Variants in ABCA12 observed in about 807,000 individuals in gnomAD.
ABCA12 encodes the protein ATP binding cassette subfamily A member 12, also known as glucosylceramide transporter ABCA12.
A neutral mutation model predicts 293.5 loss-of-function variants in ABCA12; 156 were observed. The observed-to-expected ratio is 0.53, with a 90% confidence interval of 0.47 to 0.61. The LOEUF is 0.61. Among genes scored for constraint, ABCA12 ranks in the 20% least tolerant of loss-of-function variants. The pLI, the probability that ABCA12 is intolerant of heterozygous loss-of-function variation, is 0.00. For missense variants in ABCA12, 2,797 were observed against 3,090.2 expected (o/e 0.91, Z 2.25); for synonymous variants, 1,063 against 1,108.0 (o/e 0.96, Z 0.81).
Position 215,130,166 on chromosome 2 carries a change from C to A in ABCA12, c.69+7974G>T, listed in dbSNP as rs576716203. ...TTGAAGTCAGGCGATGTGATGTCTC[C>A]AGATTTGTCCTTTTCCTTAGGAGTA... On this transcript the variant is annotated intron_variant, in intron 1 of 52. Coordinates refer to ENST00000272895, the MANE Select transcript of ABCA12 (RefSeq NM_173076.3). Among the ~76,000 whole-genome samples, 286 of 151,806 alleles carry A rather than the reference C, an allele frequency of 1.9e-3. 3 individuals carry two copies. Among genetic ancestry groups the A allele is most frequent in the Middle Eastern group, 0.01 (3 of 290 alleles).
At position 214,932,280 on chromosome 2, in the gene ABCA12, T is replaced by A. The variant is rs1698082729; in HGVS notation, c.*354A>T. The A allele has an allele frequency of 7.5e-6, 2 of 266,104 alleles. No homozygotes were observed. Among genetic ancestry groups the A allele is most frequent in the South Asian group, 8.5e-5 (2 of 23,480 alleles). The allele number at this position is 266,104 out of a possible 1,614,324, so 16.5% of individuals were successfully genotyped here. ...ACCATCTGACTTTTCTTCTCCACTC[T>A]TATATTTCAACTACCAAAATCCATG... On this transcript the variant is annotated 3_prime_UTR_variant, in exon 53 of 53. Coordinates refer to ENST00000272895, the MANE Select transcript of ABCA12 (RefSeq NM_173076.3).
chr2:214,956,948 G>T (rs530255842), intron 41 of ABCA12, among the ~76,000 whole-genome samples, 170 bp from the exon 42 acceptor site: 1 of 152,144 alleles, frequency 6.6e-6, no homozygotes, highest in South Asian at 2.1e-4. Context: ...ATTTTACATT[G>T]ATTTCACTTT....
chr2:214,986,148 G>A (rs547292826), intron 28 of ABCA12, among the ~76,000 whole-genome samples: 12 of 152,168 alleles, frequency 7.9e-5, no homozygotes, highest in Non-Finnish European at 1.3e-4. Context: ...CAGGGTGGGT[G>A]TATGAAGCAG....
chr2:215,054,020 G>C (rs1490496915), intron 4 of ABCA12, among the ~76,000 whole-genome samples: 1 of 151,976 alleles, frequency 6.6e-6, no homozygotes, highest in Non-Finnish European at 1.5e-5. Context: ...AGAGCTACTG[G>C]CCTAGATGTG....
At chr2:215,117,699 C>G (rs1281134390) in intron 1 of ABCA12, among the ~76,000 whole-genome samples, 1 of 152,086 alleles carries the variant, frequency 6.6e-6, no homozygotes, top group African/African-American at 2.4e-5. Context: ...ATTTTCTTAC[C>G]ATTTTCACTA....
intron 6 of ABCA12, among the ~76,000 whole-genome samples, chr2:215,048,040 T>C (rs548609961): frequency 9.4e-5 from 14 of 148,912 alleles, no homozygotes; most frequent in Non-Finnish European, 1.8e-4. Context: ...AAAGAACATA[T>C]ACCTACAGCC....
At chr2:214,933,321 G>T (rs1698118651) in intron 52 of ABCA12, among the ~76,000 whole-genome samples, 2 of 152,132 alleles carry the variant, frequency 1.3e-5, no homozygotes. Context: ...TTGCCATGGT[G>T]CTGGTAGTTG....
rs71399158 is a variant in ABCA12 at position 214,931,578 on chromosome 2, G to GACAA, written c.*1052_*1055dup. The GACAA allele has an allele frequency of 0.33, 50,919 of 152,188 alleles. 9,945 individuals are homozygous for GACAA. Among genetic ancestry groups the GACAA allele is most frequent in the South Asian group, 0.46 (2,209 of 4,804 alleles). The allele number at this position is 152,188 out of a possible 1,614,324, so 9.4% of individuals were successfully genotyped here. A position where few individuals can be genotyped will look rare whatever the true frequency, so the allele number is the denominator to read the frequency against. On this transcript the variant is annotated 3_prime_UTR_variant, in exon 53 of 53. Coordinates refer to ENST00000272895, the MANE Select transcript of ABCA12 (RefSeq NM_173076.3). The stretch of plus-strand genomic sequence containing the variant: ...AAACTTTGAGTTTATTGGTTTTCGA[G>GACAA]ACAAACAGTCATGCCAAAGCTGACA...
chr2:215,022,380 G>A (rs1364177333), intron 11 of ABCA12: 1 of 152,190 alleles, frequency 6.6e-6, no homozygotes, highest in Non-Finnish European at 1.5e-5. Context: ...GGCCAATAAT[G>A]TGGAAGGCAT....
At chr2:215,031,554 A>G (rs1700877688) in intron 9 of ABCA12, among the ~76,000 whole-genome samples, 1 of 152,200 alleles carries the variant, frequency 6.6e-6, no homozygotes, top group South Asian at 2.1e-4. Flanking sequence ...AAGGTAACCA[A>G]TCCAGACATG....
chr2:215,040,057 C>T lies in ABCA12; in HGVS notation c.873-2992G>A, dbSNP rs957371562. ...ATTGTTAACATACTAAAAAGTATTACAATAACTGAACCAAGTATCAGTTTT... is the reference window on the plus strand; with the variant it reads ...ATTGTTAACATACTAAAAAGTATTATAATAACTGAACCAAGTATCAGTTTT... On this transcript the variant is annotated intron_variant, in intron 7 of 52. Coordinates refer to ENST00000272895, the MANE Select transcript of ABCA12 (RefSeq NM_173076.3). Among the ~76,000 whole-genome samples, 2 of 152,034 alleles carry T rather than the reference C, an allele frequency of 1.3e-5. 1 individual carries two copies. The highest frequency in any genetic ancestry group is 2.9e-5 in the Non-Finnish European group (2 of 68,020).
intron 1 of ABCA12, among the ~76,000 whole-genome samples, chr2:215,120,763 C>T (rs993837820): frequency 2.0e-5 from 3 of 152,150 alleles, no homozygotes; most frequent in South Asian, 2.1e-4. Context: ...ACAACTCATA[C>T]TGTCTGATAT....
At chr2:214,938,459 T>C (rs1297963944) in intron 50 of ABCA12, among the ~76,000 whole-genome samples, 1 of 152,342 alleles carries the variant, frequency 6.6e-6, no homozygotes, top group East Asian at 1.9e-4. Flanking sequence ...GAATGATTTA[T>C]AATCCTTTGG....
In ABCA12 at chr2:215,064,227, TAA is replaced by T; in HGVS notation, c.164-10_164-9del. On this transcript the variant is annotated splice_polypyrimidine_tract_variant and intron_variant, in intron 2 of 52. Transcript: ENST00000272895. ...TTCGAGGTGCGAGGTAACCTAAAAT[TAA>T]AAAAACAGTCATTACATCAGTATGG... is the stretch of plus-strand genomic sequence containing the variant. 2 of 1,611,654 alleles carry T rather than the reference TAA, an allele frequency of 1.2e-6. No individual in the cohort carries two copies. Among genetic ancestry groups the T allele is most frequent in the Non-Finnish European group, 1.7e-6 (2 of 1,178,480 alleles).
At chr2:215,117,121 T>C (rs1702703171) in intron 1 of ABCA12, among the ~76,000 whole-genome samples, 1 of 152,232 alleles carries the variant, frequency 6.6e-6, no homozygotes, top group African/African-American at 2.4e-5. Context: ...AAAGAAGTTA[T>C]TTGTGCTGTT....
In ABCA12 at chr2:215,004,194, T is replaced by C. The variant is rs200015323; in HGVS notation, c.2683+15A>G. On this transcript the variant is annotated intron_variant, in intron 20 of 52. Transcript: ENST00000272895. ...ACATGACTCATGAATAAAAGCTTTG[T>C]GAATTTGGACTCACCGAGTTCATCT... 6.9e-6 allele frequency: 11 copies of C among 1,605,642 alleles called. No individual in the cohort carries two copies. The highest frequency in any genetic ancestry group is 1.6e-4 in the Middle Eastern group (1 of 6,072).
Position 214,932,754 on chromosome 2 carries a change from G to A in ABCA12, c.7681-13C>T. ...AGTTGATGAAAACCTGATTTTTCAG[G>A]GAAAATAAAGCCATTAATGCCTGGT... On this transcript the variant is annotated splice_polypyrimidine_tract_variant and intron_variant, in intron 52 of 52. Transcript: ENST00000272895. The A allele has an allele frequency of 6.3e-7, 1 of 1,595,526 alleles. No individual in the cohort carries two copies. Among genetic ancestry groups the A allele is most frequent in the Non-Finnish European group, 8.6e-7 (1 of 1,163,672 alleles).
Position 214,943,998 on chromosome 2 carries a change from G to T in ABCA12, c.7344-981C>A, listed in dbSNP as rs190367464. 8.5e-5 allele frequency among the ~76,000 whole-genome samples: 13 copies of T among 152,300 alleles called. No individual in the cohort carries two copies. In the East Asian group the frequency reaches 2.3e-3, roughly 27 times the overall value. ...AGGCCATCCTCATAAGAGAGGCATG[G>T]ATAAAATGATTTAGTATCTCCTATA... On this transcript the variant is annotated intron_variant, in intron 49 of 52. Coordinates refer to ENST00000272895, the MANE Select transcript of ABCA12 (RefSeq NM_173076.3).
At chr2:214,997,841 C>G in intron 22 of ABCA12, 32 bp from the exon 23 acceptor site, 1 of 1,353,700 alleles carries the variant, frequency 7.4e-7, no homozygotes, top group Non-Finnish European at 1.1e-6. Context: ...AAAAATTCAG[C>G]GACCAAAATG....
Sources: allele counts gnomAD v4.1 joint callset (sites outside exome capture counted in the v4.1 genomes callset), GRCh38; gene constraint gnomAD v4.1.1; transcripts MANE v1.5; gene names NCBI Gene and HGNC (gene_info 2026-07-23, HGNC 2026-07-21).